The following FBXO34 variants were observed in gnomAD, a reference collection of about 807,000 sequenced individuals.
FBXO34 encodes F-box only protein 34.
A neutral mutation model predicts 24.5 loss-of-function variants in FBXO34; 12 were observed. That is an observed-to-expected ratio of 0.49 (90% CI 0.31 to 0.79). FBXO34 has a LOEUF of 0.79. Ranked by LOEUF, FBXO34 falls within the 30% of genes least tolerant of loss-of-function variation. FBXO34 has a pLI of 0.04. For missense variants in FBXO34, 823 were observed against 857.7 expected, an observed-to-expected ratio of 0.96 and a Z score of 0.51; for synonymous variants, 320 against 311.9, an observed-to-expected ratio of 1.03 and a Z score of -0.27.
At chr14:55,305,884 C>G (rs1397986671) in intron 1 of FBXO34, among the ~76,000 whole-genome samples, 2 of 152,210 alleles carry the variant, frequency 1.3e-5, no homozygotes, top group African/African-American at 4.8e-5. Context: ...CATGATTTAT[C>G]ATTGTTGAGG....
intron 3 of FBXO34, among the ~76,000 whole-genome samples, chr14:55,359,965 A>C (rs1372443236): frequency 6.6e-6 from 1 of 151,576 alleles, no homozygotes; most frequent in Non-Finnish European, 1.5e-5. Flanking sequence ...CAATAGTCCC[A>C]ACTAGTTGAG....
the FBXO34 span, chr14:55,380,794 C>A: frequency 6.9e-6 from 4 of 579,522 alleles, no homozygotes; most frequent in Middle Eastern, 2.8e-4. Context: ...AGCACTGTTA[C>A]GTTTTAGTGC....
chr14:55,430,128 T>A, the FBXO34 span, among the ~76,000 whole-genome samples: 5 of 152,110 alleles, frequency 3.3e-5, no homozygotes, highest in Admixed American at 1.3e-4. Context: ...TCCTTAGGTA[T>A]TTTTCAACTG....
intron 1 of FBXO34, among the ~76,000 whole-genome samples, chr14:55,333,723 T>TG (rs2140054566): frequency 2.9e-5 from 1 of 34,408 alleles, no homozygotes; most frequent in South Asian, 7.6e-4. Context: ...CTGGGGTGGC[T>TG]TTTTTTTTTT....
the FBXO34 span, among the ~76,000 whole-genome samples, chr14:55,416,891 A>G: frequency 2.0e-5 from 3 of 152,370 alleles, no homozygotes; most frequent in African/African-American, 4.8e-5. Flanking sequence ...TTGGACAGCC[A>G]TGAACTTCAC....
At chr14:55,380,514 C>A in the FBXO34 span, 1 of 1,165,736 alleles carries the variant, frequency 8.6e-7, no homozygotes. Flanking sequence ...TAAATAAAGA[C>A]AAAATAGAAA....
the FBXO34 span, chr14:55,440,583 G>A: frequency 1.3e-6 from 2 of 1,550,606 alleles, no homozygotes; most frequent in Non-Finnish European, 1.7e-6. Context: ...GCGGCCCTCG[G>A]CCCAGGTTCC....
chr14:55,271,995 G>C (rs1259642325), intron 1 of FBXO34: 1 of 152,254 alleles, frequency 6.6e-6, no homozygotes, highest in Non-Finnish European at 1.5e-5. Context: ...GTGAGCTGGC[G>C]CTTGTCCTTA....
chr14:55,373,098 GAC>G (rs1884854619), downstream of FBXO34, among the ~76,000 whole-genome samples: 1 of 152,170 alleles, frequency 6.6e-6, no homozygotes, highest in Non-Finnish European at 1.5e-5. Context: ...CCAAGCTAGA[GAC>G]ACAGCACACA....
the FBXO34 span, among the ~76,000 whole-genome samples, chr14:55,428,286 C>T: frequency 6.6e-6 from 1 of 151,820 alleles, no homozygotes; most frequent in South Asian, 2.1e-4. Context: ...CCCGCTGCCA[C>T]GCCCGGCTAA....
At chr14:55,337,265 C>T (rs917228294) in intron 1 of FBXO34, among the ~76,000 whole-genome samples, 1 of 152,040 alleles carries the variant, frequency 6.6e-6, no homozygotes, top group African/African-American at 2.4e-5. Context: ...TGAGCCACTG[C>T]ACCTGGTCCA....
chr14:55,411,890 G>T, the FBXO34 span: 1 of 1,417,564 alleles, frequency 7.1e-7, no homozygotes, highest in South Asian at 1.3e-5. Context: ...GGGCCAGGAG[G>T]AGGGGCCTGG....
At chr14:55,303,128 C>CT (rs3084453) in intron 1 of FBXO34, among the ~76,000 whole-genome samples, 3,489 of 147,786 alleles carry the variant, frequency 0.024, 97 homozygotes, top group African/African-American at 0.079. Flanking sequence ...CTTTACAGGC[C>CT]TTTTTTTTTT....
intron 1 of FBXO34, among the ~76,000 whole-genome samples, chr14:55,281,409 G>C (rs766439235): frequency 6.7e-6 from 1 of 148,968 alleles, no homozygotes; most frequent in Non-Finnish European, 1.5e-5. Flanking sequence ...TCTCTATGAC[G>C]TTTTTTTATA....
At chr14:55,399,339 T>C in the FBXO34 span, among the ~76,000 whole-genome samples, 1 of 152,254 alleles carries the variant, frequency 6.6e-6, no homozygotes, top group East Asian at 1.9e-4. Flanking sequence ...CAGCCACATA[T>C]GACTTACCGG....
intron 1 of FBXO34, among the ~76,000 whole-genome samples, chr14:55,346,726 T>C (rs1884172164): frequency 6.6e-6 from 1 of 152,056 alleles, no homozygotes; most frequent in Non-Finnish European, 1.5e-5. Flanking sequence ...AATTTGGCAA[T>C]AAAAAGGCCA....
the FBXO34 span, among the ~76,000 whole-genome samples, chr14:55,436,375 A>G: frequency 3.9e-5 from 6 of 152,198 alleles, no homozygotes; most frequent in Non-Finnish European, 1.5e-5. Context: ...GAGGTCAAGA[A>G]TTAGTGCTTT....
chr14:55,327,855 T>G (rs1393342715), intron 1 of FBXO34, among the ~76,000 whole-genome samples: 1 of 149,890 alleles, frequency 6.7e-6, no homozygotes, highest in East Asian at 2.0e-4. Flanking sequence ...AGAAGATTCA[T>G]CCTTACCACA....
downstream of FBXO34, among the ~76,000 whole-genome samples, chr14:55,362,515 CA>C (rs896963733): frequency 1.3e-5 from 2 of 151,438 alleles, no homozygotes; most frequent in South Asian, 4.2e-4. Flanking sequence ...AAGCAAAGCG[CA>C]AAAAAACAAG....
Sources: gnomAD v4.1 joint callset for allele counts (sites outside exome capture counted in the v4.1 genomes callset) on GRCh38, gnomAD v4.1.1 for gene constraint, MANE v1.5 for transcripts, NCBI Gene and HGNC (gene_info 2026-07-23, HGNC 2026-07-21) for gene names.